The following MAOB variants were observed in gnomAD, a reference collection of about 807,000 sequenced individuals.
MAOB encodes the protein amine oxidase [flavin-containing] B.
MAOB carries 15 observed loss-of-function variants against 41.9 expected under a neutral mutation model. The ratio of observed to expected loss-of-function variants is 0.36; its 90% CI spans 0.24 to 0.55. The LOEUF is 0.55. Ranked by LOEUF, MAOB falls within the 20% of genes least tolerant of loss-of-function variation. The pLI is 0.86. For synonymous variants in MAOB, 167 were observed against 144.2 expected, an observed-to-expected ratio of 1.16 and a Z score of -1.13; for missense variants, 345 against 398.7, an observed-to-expected ratio of 0.87 and a Z score of 1.15.
At chrX:43,880,266 C>T (rs1441684899) in intron 1 of MAOB, among the ~76,000 whole-genome samples, 1 of 112,006 alleles carries the variant, frequency 8.9e-6, no homozygotes, top group Non-Finnish European at 1.9e-5. Flanking sequence ...CACGCACCAC[C>T]TTCTACCTTG....
intron 1 of MAOB, among the ~76,000 whole-genome samples, chrX:43,881,419 C>T (rs368677733): frequency 8.8e-6 from 1 of 113,139 alleles, no homozygotes; most frequent in Admixed American, 9.2e-5. Context: ...ATTAAACAGG[C>T]TGTGCTGAGA....
In MAOB at chrX:43,882,419, C is replaced by G. The variant is rs1041855747; in HGVS notation, c.-120G>C. 213 of 1,042,711 alleles carry G rather than the reference C, an allele frequency of 2.0e-4. No individual in the cohort carries two copies. The highest frequency in any genetic ancestry group is 1.1e-3 in the African/African-American group (57 of 50,636). The allele number at this position is 1,042,711 out of a possible 1,213,427, so 85.9% of individuals were successfully genotyped here. ...CCGCCGGCCTGCTGCGCGCTGCCCC[C>G]GTGCACCAGCGCCTCGGCGAGCCGC... is the stretch of plus-strand genomic sequence containing the variant. On this transcript the variant is annotated 5_prime_UTR_variant, in exon 1 of 15. Coordinates refer to ENST00000378069, the MANE Select transcript of MAOB (RefSeq NM_000898.5).
chrX:43,859,681 T>A (rs1367133735), intron 1 of MAOB, among the ~76,000 whole-genome samples: 1 of 111,828 alleles, frequency 8.9e-6, no homozygotes, highest in African/African-American at 3.2e-5. Context: ...TTAGATTCCA[T>A]CCCTATCAGG....
chrX:43,777,593 C>A (rs972913284), intron 11 of MAOB, among the ~76,000 whole-genome samples: 2 of 111,314 alleles, frequency 1.8e-5, no homozygotes, highest in African/African-American at 6.5e-5. Flanking sequence ...AAAGACACAA[C>A]AACTTAACCA....
intron 1 of MAOB, among the ~76,000 whole-genome samples, chrX:43,857,221 C>T (rs1166927614): frequency 2.1e-5 from 2 of 96,209 alleles, no homozygotes; most frequent in African/African-American, 7.8e-5. Context: ...GCTCTTGTTG[C>T]CCAGGCTGGA....
At chrX:43,783,386 C>T (rs1488237937) in intron 8 of MAOB, among the ~76,000 whole-genome samples, 1 of 111,752 alleles carries the variant, frequency 8.9e-6, no homozygotes, top group African/African-American at 3.3e-5. Context: ...GTGTCTTCCT[C>T]AGTTCCCTCC....
Position 43,826,251 on chromosome X carries a change from T to G in MAOB, c.279+12617A>C, listed in dbSNP as rs376218524. Among the ~76,000 whole-genome samples the G allele has an allele frequency of 2.7e-5, 3 of 112,081 alleles. No individual in the cohort carries two copies. In the South Asian group the frequency reaches 1.1e-3, roughly 42 times the overall value. On this transcript the variant is annotated intron_variant, in intron 3 of 14. Transcript: ENST00000378069. ...GAGGTGGGGGACCCTCCTGGTTTCC[T>G]GACACCATACTAGGTGGCACTTCTT...
At chrX:43,779,035 T>C (rs2034296471) in intron 10 of MAOB, among the ~76,000 whole-genome samples, 1 of 111,757 alleles carries the variant, frequency 8.9e-6, no homozygotes. Context: ...CCCTTTTGTT[T>C]ATGAACAAAA....
chrX:43,789,764 C>T (rs1282579864), intron 8 of MAOB, among the ~76,000 whole-genome samples: 1 of 112,013 alleles, frequency 8.9e-6, no homozygotes, highest in African/African-American at 3.2e-5. Context: ...CAATCAGGTG[C>T]TCTTACCACA....
intron 3 of MAOB, among the ~76,000 whole-genome samples, chrX:43,826,369 G>A (rs1467053337): frequency 8.9e-6 from 1 of 111,760 alleles, no homozygotes; most frequent in African/African-American, 3.3e-5. Flanking sequence ...TGCTCTAAAA[G>A]GGACAGGCTC....
At position 43,769,418 on chromosome X, in the gene MAOB, C is replaced by T; in HGVS notation, c.1236G>A (p.Arg412=). 1 of 1,205,254 alleles carries T rather than the reference C, an allele frequency of 8.3e-7. No homozygotes were observed. ...TCCTGTCCACTGGCTGGCGTAGAAC[C>T]CTTGGAACAAAACCAAAGAGGCAAA... ...FPPGILTQYG[R]VLRQPVDRIY... The change falls in exon 13 of 15, where the codon AGG becomes AGA. Residue 412 remains arginine (R), a splice_region_variant and synonymous_variant. Coordinates refer to ENST00000378069, the MANE Select transcript of MAOB (RefSeq NM_000898.5).
intron 3 of MAOB, among the ~76,000 whole-genome samples, chrX:43,834,043 G>GA (rs1364660326): frequency 9.0e-6 from 1 of 111,592 alleles, no homozygotes; most frequent in African/African-American, 3.3e-5. Context: ...ATTTTTCCTT[G>GA]AAAAAATCTT....
chrX:43,789,871 A>C (rs1321478610), intron 8 of MAOB, among the ~76,000 whole-genome samples: 1 of 111,937 alleles, frequency 8.9e-6, no homozygotes, highest in African/African-American at 3.3e-5. Context: ...TATGAGGTAC[A>C]CCTTAAATAT....
intron 3 of MAOB, among the ~76,000 whole-genome samples, chrX:43,832,502 C>T (rs932506820): frequency 1.8e-5 from 2 of 111,497 alleles, no homozygotes; most frequent in African/African-American, 6.5e-5. Flanking sequence ...CTACTTCTGC[C>T]TACTCAATGT....
chrX:43,810,788 A>C lies in MAOB; in HGVS notation c.280-7384T>G, dbSNP rs371857266. Reference sequence around the variant, plus strand: ...TTCTCTTATCATTAAAATTGGAATCATGATACCTATCTTGGATGTACTGTA... The same window carrying C: ...TTCTCTTATCATTAAAATTGGAATCCTGATACCTATCTTGGATGTACTGTA... On this transcript the variant is annotated intron_variant, in intron 3 of 14. Transcript: ENST00000378069. 3.5e-3 allele frequency among the ~76,000 whole-genome samples: 392 copies of C among 111,702 alleles called. 2 individuals are homozygous for C. Among genetic ancestry groups the C allele is most frequent in the African/African-American group, 0.012 (363 of 30,718 alleles).
chrX:43,783,222 T>C (rs1458774188), intron 8 of MAOB, among the ~76,000 whole-genome samples: 1 of 112,067 alleles, frequency 8.9e-6, no homozygotes, highest in East Asian at 2.8e-4. Flanking sequence ...GCAGATGACA[T>C]GATTGTATAT....
intron 3 of MAOB, among the ~76,000 whole-genome samples, chrX:43,814,735 T>A (rs1011017974): frequency 8.9e-6 from 1 of 111,871 alleles, no homozygotes; most frequent in Non-Finnish European, 1.9e-5. Context: ...GATGGACAGA[T>A]GTAAGGATGG....
chrX:43,867,794 C>T (rs1044302662), intron 1 of MAOB, among the ~76,000 whole-genome samples: 3 of 112,201 alleles, frequency 2.7e-5, no homozygotes, highest in Non-Finnish European at 3.8e-5. Flanking sequence ...GCTATAATTA[C>T]AAAATTGAAT....
rs1159752575 is a variant in MAOB at position 43,784,548 on chromosome X, G to T, written c.929-3004C>A. Among the ~76,000 whole-genome samples, 4 of 111,916 alleles carry T rather than the reference G, an allele frequency of 3.6e-5. No individual in the cohort carries two copies. In the East Asian group the frequency reaches 1.1e-3, roughly 31 times the overall value. The stretch of plus-strand genomic sequence containing the variant: ...TTCTCAGCAGTAGGTCTCAAGAGTG[G>T]GCTTAAAATATTCAGTAAACCATGC... On this transcript the variant is annotated intron_variant, in intron 8 of 14. Transcript: ENST00000378069.
Sources: gnomAD v4.1 joint callset for allele counts (sites outside exome capture counted in the v4.1 genomes callset) on GRCh38, gnomAD v4.1.1 for gene constraint, MANE v1.5 for transcripts, NCBI Gene and HGNC (gene_info 2026-07-23, HGNC 2026-07-21) for gene names.